Variants in PARD3 observed in about 807,000 individuals in gnomAD.
The protein encoded by PARD3 is partitioning defective 3 homolog.
A neutral mutation model predicts 155.4 loss-of-function variants in PARD3; 75 were observed. The observed-to-expected ratio is 0.48, with a 90% CI of 0.40 to 0.58. The LOEUF (loss-of-function observed/expected upper bound fraction) is 0.58, where lower values mean the gene tolerates loss of function less well. Ranked by LOEUF, PARD3 falls within the 20% of genes least tolerant of loss-of-function variation. The pLI is 0.00. For missense variants in PARD3, 1,642 were observed against 1,721.7 expected (o/e 0.95, Z 0.82); for synonymous variants, 576 against 610.5 (o/e 0.94, Z 0.83).
At chr10:34,545,948 T>C (rs562823178) in intron 2 of PARD3, among the ~76,000 whole-genome samples, 62 of 152,302 alleles carry the variant, frequency 4.1e-4, no homozygotes, top group African/African-American at 1.3e-3. Context: ...AACATTAACA[T>C]AGTATATAAA....
intron 1 of PARD3, among the ~76,000 whole-genome samples, chr10:34,758,918 G>C (rs1460192377): frequency 6.6e-6 from 1 of 152,150 alleles, no homozygotes; most frequent in Non-Finnish European, 1.5e-5. Flanking sequence ...ATGATAGATG[G>C]TTGTGTCAGA....
intron 10 of PARD3, among the ~76,000 whole-genome samples, chr10:34,376,361 C>T (rs1841238813): frequency 6.6e-6 from 1 of 152,108 alleles, no homozygotes; most frequent in African/African-American, 2.4e-5. Flanking sequence ...AAAAAAGTGA[C>T]TCAATAATAA....
intron 22 of PARD3, among the ~76,000 whole-genome samples, chr10:34,177,539 T>G (rs1481409677): frequency 6.6e-6 from 1 of 152,236 alleles, no homozygotes; most frequent in African/African-American, 2.4e-5. Flanking sequence ...AAAGTCATTC[T>G]TCGTTCTCTC....
intron 2 of PARD3, among the ~76,000 whole-genome samples, chr10:34,633,246 T>C (rs1056964506): frequency 1.3e-5 from 2 of 152,162 alleles, no homozygotes; most frequent in African/African-American, 4.8e-5. Context: ...CACTACACCA[T>C]GTAACAGAGC....
At chr10:34,690,251 C>T (rs1265597789) in intron 2 of PARD3, among the ~76,000 whole-genome samples, 2 of 152,114 alleles carry the variant, frequency 1.3e-5, no homozygotes, top group Non-Finnish European at 2.9e-5. Flanking sequence ...GATGGCCTCA[C>T]TGATTTTTAT....
At chr10:34,321,651 C>T (rs1185035689) in intron 19 of PARD3, among the ~76,000 whole-genome samples, 1 of 152,132 alleles carries the variant, frequency 6.6e-6, no homozygotes, top group Admixed American at 6.6e-5. Flanking sequence ...GTGGCAGAGT[C>T]ATTCTGCAAT....
chr10:34,623,339 T>C lies in PARD3; in HGVS notation c.222+72979A>G, dbSNP rs74132072. On this transcript the variant is annotated intron_variant, in intron 2 of 24. Coordinates refer to ENST00000374788, the MANE Select transcript of PARD3 (RefSeq NM_001184785.2). ...CAGACAAGTATTTATGCACATTAGATATGCATTATTTAATGGTACTACTAC... is the reference window on the plus strand; with the variant it reads ...CAGACAAGTATTTATGCACATTAGACATGCATTATTTAATGGTACTACTAC... Among the ~76,000 whole-genome samples the C allele has an allele frequency of 7.9e-3, 1,207 of 152,304 alleles. 17 individuals carry two copies. Among genetic ancestry groups the C allele is most frequent in the African/African-American group, 0.028 (1,155 of 41,552 alleles).
intron 20 of PARD3, among the ~76,000 whole-genome samples, chr10:34,309,352 AGT>A (rs1297026879): frequency 6.6e-6 from 1 of 151,980 alleles, no homozygotes; most frequent in African/African-American, 2.4e-5. Flanking sequence ...TGAGGCCAGA[AGT>A]TTGAGACCAA....
chr10:34,611,301 T>C (rs2090873096), intron 2 of PARD3, among the ~76,000 whole-genome samples: 1 of 152,206 alleles, frequency 6.6e-6, no homozygotes, highest in Non-Finnish European at 1.5e-5. Context: ...TAAATAAATG[T>C]TTTCCATCAC....
At chr10:34,375,927 A>C (rs575880934) in intron 10 of PARD3, among the ~76,000 whole-genome samples, 1 of 152,248 alleles carries the variant, frequency 6.6e-6, no homozygotes, top group South Asian at 2.1e-4. Context: ...TCCAGTGGAG[A>C]CTCTTACAAA....
At chr10:34,563,658 G>A (rs760991625) in intron 2 of PARD3, among the ~76,000 whole-genome samples, 2 of 151,910 alleles carry the variant, frequency 1.3e-5, no homozygotes, top group Non-Finnish European at 2.9e-5. Flanking sequence ...AGCCTCCTGA[G>A]CAGCTGGGAT....
intron 8 of PARD3, among the ~76,000 whole-genome samples, chr10:34,383,545 C>G (rs1842063207): frequency 6.6e-6 from 1 of 152,188 alleles, no homozygotes; most frequent in Non-Finnish European, 1.5e-5. Flanking sequence ...TACAACCAGC[C>G]TGGGAAGCAG....
intron 1 of PARD3, among the ~76,000 whole-genome samples, chr10:34,705,510 C>A (rs1443852744): frequency 2.0e-5 from 3 of 150,904 alleles, no homozygotes; most frequent in African/African-American, 7.3e-5. Context: ...AAAAGCCAAT[C>A]TTTTCCAATA....
intron 2 of PARD3, among the ~76,000 whole-genome samples, chr10:34,546,025 G>A (rs1265179965): frequency 2.6e-5 from 4 of 152,152 alleles, no homozygotes; most frequent in South Asian, 4.2e-4. Flanking sequence ...AATTGCTTGC[G>A]CTATAAGCAT....
intron 21 of PARD3, among the ~76,000 whole-genome samples, chr10:34,273,120 G>A (rs771752748): frequency 1.1e-4 from 16 of 152,132 alleles, no homozygotes; most frequent in Non-Finnish European, 1.6e-4. Context: ...CTCCCGGTAC[G>A]TATCCCAAAG....
chr10:34,309,710 A>C (rs1957601391), intron 20 of PARD3, among the ~76,000 whole-genome samples: 1 of 151,828 alleles, frequency 6.6e-6, no homozygotes, highest in Non-Finnish European at 1.5e-5. Flanking sequence ...GGCTTACAGC[A>C]TGGGATGGAG....
intron 22 of PARD3, among the ~76,000 whole-genome samples, chr10:34,236,306 G>T (rs576046580): frequency 7.2e-5 from 11 of 152,222 alleles, no homozygotes; most frequent in Middle Eastern, 6.8e-3. Flanking sequence ...CACAGATATT[G>T]AAGCTTATTT....
chr10:34,293,077 G>A (rs1432080271), intron 20 of PARD3, among the ~76,000 whole-genome samples: 1 of 152,114 alleles, frequency 6.6e-6, no homozygotes, highest in Non-Finnish European at 1.5e-5. Context: ...ACAAAAAACT[G>A]TGGGACTCAA....
chr10:34,474,789 T>C (rs2078600520), intron 3 of PARD3, among the ~76,000 whole-genome samples: 1 of 152,224 alleles, frequency 6.6e-6, no homozygotes, highest in Admixed American at 6.5e-5. Flanking sequence ...AAATGTTGGT[T>C]TGTTTTTTAA....
Sources: allele counts gnomAD v4.1 joint callset (sites outside exome capture counted in the v4.1 genomes callset), GRCh38; gene constraint gnomAD v4.1.1; transcripts MANE v1.5; gene names NCBI Gene and HGNC (gene_info 2026-07-23, HGNC 2026-07-21).